PHLDA3: variants seen among roughly 807,000 people sequenced by gnomAD.
PHLDA3 encodes pleckstrin homology like domain family A member 3.
A neutral mutation model predicts 7.6 loss-of-function variants in PHLDA3; 12 were observed. The observed-to-expected ratio is 1.58, with a 90% confidence interval of 1.01 to 2.55. The LOEUF (loss-of-function observed/expected upper bound fraction) is 2.55. Among genes scored for constraint, PHLDA3 ranks in the 30% most tolerant of loss-of-function variants. PHLDA3 has a pLI of 0.00. For synonymous variants in PHLDA3, 104 were observed against 85.1 expected (o/e 1.22, Z -1.23); for missense variants, 177 against 175.6 (o/e 1.01, Z -0.05).
rs977528046 is a variant in PHLDA3, at chr1:201,464,961, G to A, written c.*1280C>T. ...CCCCAGTAGCTGGGGCTATAGGTGT[G>A]TGCCACCTCACCTGGCTAATTTTTG... On this transcript the variant is annotated 3_prime_UTR_variant, in exon 2 of 2. Coordinates refer to ENST00000367311, the MANE Select transcript of PHLDA3 (RefSeq NM_012396.5). 6 of 152,186 alleles carry A rather than the reference G, an allele frequency of 3.9e-5. No individual in the cohort carries two copies. The highest frequency in any genetic ancestry group is 6.6e-5 in the Admixed American group (1 of 15,266). The allele number at this position is 152,186 out of a possible 1,614,324, so 9.4% of individuals were successfully genotyped here.
In PHLDA3 at chr1:201,468,830, C is replaced by T. The variant is rs933013942; in HGVS notation, c.-44G>A. On this transcript the variant is annotated 5_prime_UTR_variant, in exon 1 of 2. Coordinates refer to ENST00000367311, the MANE Select transcript of PHLDA3 (RefSeq NM_012396.5). ...GGAAAGCTCCAGGCTGCGGCGGGCG[C>T]GGCGCCCCTCTCGGCCCCGCAGCGC... The T allele has an allele frequency of 1.0e-5, 15 of 1,471,068 alleles. No individual in the cohort carries two copies. Among genetic ancestry groups the T allele is most frequent in the African/African-American group, 4.5e-5 (3 of 67,206 alleles). 91.1% of individuals were successfully genotyped at this position (1,471,068 alleles called of 1,614,324 possible). A position where few individuals can be genotyped will look rare whatever the true frequency, so the allele number is the denominator to read the frequency against.
chr1:201,466,283 A>G (rs1321820775), intron 1 of PHLDA3, 105 bp from the exon 2 acceptor site: 1 of 152,262 alleles, frequency 6.6e-6, no homozygotes, highest in Non-Finnish European at 1.5e-5. Context: ...TTTTCCATAA[A>G]CATGGAAAAC....
intron 1 of PHLDA3, chr1:201,466,519 T>G (rs538776107): frequency 6.6e-6 from 1 of 152,284 alleles, no homozygotes; most frequent in South Asian, 2.1e-4. Flanking sequence ...TGAAGACATC[T>G]GCAGGCGGGT....
chr1:201,469,029 T>G lies in PHLDA3; in HGVS notation c.-243A>C. The G allele has an allele frequency of 2.4e-6, 1 of 408,350 alleles. No homozygotes were observed. The highest frequency in any genetic ancestry group is 4.2e-6 in the Non-Finnish European group (1 of 238,720). 25.3% of individuals were successfully genotyped at this position (408,350 alleles called of 1,614,324 possible). A position where few individuals can be genotyped will look rare whatever the true frequency, so the allele number is the denominator to read the frequency against. ...TCAGCCGGCACCCGCTCCTCCGCTC[T>G]ACCCCAGCTGGCCCAGCCCGACCCG... On this transcript the variant is annotated 5_prime_UTR_variant, in exon 1 of 2. Transcript: ENST00000367311.
rs1663612199 is a variant in PHLDA3, at chr1:201,464,451, AT to A, written c.*1789del. On this transcript the variant is annotated 3_prime_UTR_variant, in exon 2 of 2. Coordinates refer to ENST00000367311, the MANE Select transcript of PHLDA3 (RefSeq NM_012396.5). ...AATTCTCATTCAACTGTGTGATGTA[AT>A]TCACACATCAGATGAGCAAGTTGAA... 1 of 152,254 alleles carries A rather than the reference AT, an allele frequency of 6.6e-6. No individual in the cohort carries two copies. The highest frequency in any genetic ancestry group is 1.5e-5 in the Non-Finnish European group (1 of 68,058). 9.4% of individuals were successfully genotyped at this position (152,254 alleles called of 1,614,324 possible).
chr1:201,468,375 A>G lies in PHLDA3; in HGVS notation c.*28T>C, dbSNP rs775166638. The G allele has an allele frequency of 6.2e-7, 1 of 1,613,220 alleles. No individual in the cohort carries two copies. Among genetic ancestry groups the G allele is most frequent in the East Asian group, 2.2e-5 (1 of 44,872 alleles). ...CCTCAGCACTGAGGTGGTGGGTAGC[A>G]TGAAGGAAAGATGGTGCGCCCGGTG... On this transcript the variant is annotated 3_prime_UTR_variant, in exon 1 of 2. Transcript: ENST00000367311.
rs781599120 is a variant in PHLDA3 at position 201,468,994 on chromosome 1, C to T, written c.-208G>A. On this transcript the variant is annotated 5_prime_UTR_variant, in exon 1 of 2. It adds an upstream start codon to the 5' untranslated region. Coordinates refer to ENST00000367311, the MANE Select transcript of PHLDA3 (RefSeq NM_012396.5). ...GTGCCCCCAGCGCGCTCCGCGCCCA[C>T]CGCCCCGCTTCAGCCGGCACCCGCT... is the stretch of plus-strand genomic sequence containing the variant. 10 of 478,132 alleles carry T rather than the reference C, an allele frequency of 2.1e-5. No homozygotes were observed. The highest frequency in any genetic ancestry group is 6.2e-5 in the South Asian group (1 of 16,182). 29.6% of individuals were successfully genotyped at this position (478,132 alleles called of 1,614,324 possible).
At position 201,468,478 on chromosome 1, in the gene PHLDA3, G is replaced by A. The variant is rs773631516; in HGVS notation, c.309C>T (p.Val103=). The stretch of plus-strand genomic sequence containing the variant: ...GGATGGCCTGCTGGTTCTTGAACTT[G>A]ACCAGGCCTAGGGTGATCTGGGCGT... ...GWNAQITLGL[V]KFKNQQAIQT... Residue 103 remains valine (V), a synonymous_variant, in exon 1 of 2, where the codon GTC becomes GTT. Transcript: ENST00000367311. 1.2e-6 allele frequency: 2 copies of A among 1,614,188 alleles called. No homozygotes were observed. The highest frequency in any genetic ancestry group is 1.7e-6 in the Non-Finnish European group (2 of 1,180,024).
At position 201,469,078 on chromosome 1, in the gene PHLDA3, TCC is replaced by T; in HGVS notation, c.-294_-293del. The T allele has an allele frequency of 3.0e-6, 1 of 334,112 alleles. No individual in the cohort carries two copies. The highest frequency in any genetic ancestry group is 5.3e-6 in the Non-Finnish European group (1 of 187,162). 20.7% of individuals were successfully genotyped at this position (334,112 alleles called of 1,614,324 possible). On this transcript the variant is annotated 5_prime_UTR_variant, in exon 1 of 2. Transcript: ENST00000367311. ...CGCCTCTGCCAGATGCCTCCGCGCC[TCC>T]CTAGGCCGTGAGCCCCACCGCCCGC...
At position 201,468,563 on chromosome 1, in the gene PHLDA3, A is replaced by G; in HGVS notation, c.224T>C (p.Leu75Pro). Residue 75 changes from leucine to proline, a missense_variant, in exon 1 of 2, where the codon CTG becomes CCG. Transcript: ENST00000367311. ...GATCTCGCCGCCCCCTTCGGTCACCAGCGTGAAGTAGATGTGGCGCCCGGT... is the reference window on the plus strand; with the variant it reads ...GATCTCGCCGCCCCCTTCGGTCACCGGCGTGAAGTAGATGTGGCGCCCGGT... Reference protein sequence around the residue: ...ESTGRHIYFTLVTEGGGEIDF... With the variant: ...ESTGRHIYFTPVTEGGGEIDF... 1 of 1,614,028 alleles carries G rather than the reference A, an allele frequency of 6.2e-7. No individual in the cohort carries two copies.
In PHLDA3 at chr1:201,465,524, A is replaced by T. The variant is rs1663638496; in HGVS notation, c.*717T>A. On this transcript the variant is annotated 3_prime_UTR_variant, in exon 2 of 2. Transcript: ENST00000367311. Reference sequence around the variant, plus strand: ...TTACTGCCCTTTGCAGGGCATCTTCATTTGGGGAAAGACATGAAATGCTAA... The same window carrying T: ...TTACTGCCCTTTGCAGGGCATCTTCTTTTGGGGAAAGACATGAAATGCTAA... The T allele has an allele frequency of 6.5e-6, 1 of 154,888 alleles. No individual in the cohort carries two copies. Among genetic ancestry groups the T allele is most frequent in the South Asian group, 2.0e-4 (1 of 4,930 alleles). The allele number at this position is 154,888 out of a possible 1,614,324, so 9.6% of individuals were successfully genotyped here.
chr1:201,468,344 C>T lies in PHLDA3; in HGVS notation c.*59G>A, dbSNP rs1663724432. ...GCCCAGTCCCCCGGGGGCTTACCTG[C>T]CTTGACCTCAGCACTGAGGTGGTGG... On this transcript the variant is annotated 3_prime_UTR_variant, in exon 1 of 2. Transcript: ENST00000367311. 2 of 1,598,272 alleles carry T rather than the reference C, an allele frequency of 1.3e-6. No individual in the cohort carries two copies. Among genetic ancestry groups the T allele is most frequent in the African/African-American group, 2.7e-5 (2 of 74,398 alleles).
rs1371829345 is a variant in PHLDA3 at position 201,464,827 on chromosome 1, T to TGTTTG, written c.*1413_*1414insCAAAC. The TGTTTG allele has an allele frequency of 1.3e-5, 2 of 151,998 alleles. No individual in the cohort carries two copies. Among genetic ancestry groups the TGTTTG allele is most frequent in the Non-Finnish European group, 2.9e-5 (2 of 68,046 alleles). The allele number at this position is 151,998 out of a possible 1,614,324, so 9.4% of individuals were successfully genotyped here. A position where few individuals can be genotyped will look rare whatever the true frequency, so the allele number is the denominator to read the frequency against. On this transcript the variant is annotated 3_prime_UTR_variant, in exon 2 of 2. Coordinates refer to ENST00000367311, the MANE Select transcript of PHLDA3 (RefSeq NM_012396.5). ...CCCGTTTTTTTTGTTGTTGTTGTTT[T>TGTTTG]GAGACTGCGTCTTGCTGCTTTGTCA...
At position 201,468,349 on chromosome 1, in the gene PHLDA3, A is replaced by T. The variant is rs1256930; in HGVS notation, c.*54T>A. The stretch of plus-strand genomic sequence containing the variant: ...GTCCCCCGGGGGCTTACCTGCCTTG[A>T]CCTCAGCACTGAGGTGGTGGGTAGC... On this transcript the variant is annotated 3_prime_UTR_variant, in exon 1 of 2. Coordinates refer to ENST00000367311, the MANE Select transcript of PHLDA3 (RefSeq NM_012396.5). 393,397 of 1,599,800 alleles carry T rather than the reference A, an allele frequency of 0.25. 56,297 individuals are homozygous for T. Among genetic ancestry groups the T allele is most frequent in the East Asian group, 0.67 (29,992 of 44,706 alleles).
rs1663762181 is a variant in PHLDA3 at position 201,469,076 on chromosome 1, C to A, written c.-290G>T. On this transcript the variant is annotated 5_prime_UTR_variant, in exon 1 of 2. Transcript: ENST00000367311. The stretch of plus-strand genomic sequence containing the variant: ...CCCGCCTCTGCCAGATGCCTCCGCG[C>A]CTCCCTAGGCCGTGAGCCCCACCGC... 3.0e-6 allele frequency: 1 copy of A among 336,428 alleles called. No individual in the cohort carries two copies. The highest frequency in any genetic ancestry group is 5.3e-6 in the Non-Finnish European group (1 of 188,382). The allele number at this position is 336,428 out of a possible 1,614,324, so 20.8% of individuals were successfully genotyped here.
At position 201,468,605 on chromosome 1, in the gene PHLDA3, A is replaced by C. The variant is rs763227643; in HGVS notation, c.182T>G (p.Val61Gly). 3 of 1,613,610 alleles carry C rather than the reference A, an allele frequency of 1.9e-6. No homozygotes were observed. The highest frequency in any genetic ancestry group is 8.5e-7 in the Non-Finnish European group (1 of 1,180,006). The part of the protein sequence containing the change: ...KELSFARIKA[V>G]ECVESTGRHI... ...GCGCCCGGTGCTCTCCACGCACTCC[A>C]CGGCCTTGATGCGGGCGAAGCTGAG... Residue 61 changes from valine (V) to glycine (G), a missense_variant, in exon 1 of 2, where the codon GTG (valine) becomes GGG (glycine). Val to Gly is a moderately radical substitution (Grantham distance 109). Coordinates refer to ENST00000367311, the MANE Select transcript of PHLDA3 (RefSeq NM_012396.5).
rs1258535915 is a variant in PHLDA3 at position 201,464,287 on chromosome 1, A to G, written c.*1954T>C. 1.3e-5 allele frequency: 2 copies of G among 152,088 alleles called. No homozygotes were observed. The highest frequency in any genetic ancestry group is 4.8e-5 in the African/African-American group (2 of 41,400). The allele number at this position is 152,088 out of a possible 1,614,324, so 9.4% of individuals were successfully genotyped here. On this transcript the variant is annotated 3_prime_UTR_variant, in exon 2 of 2. Transcript: ENST00000367311. ...CCAATTGATCACAGCATTCTAGTTG[A>G]GCTCTGATCTTTCTCAGCACTGATT... is the stretch of plus-strand genomic sequence containing the variant.
intron 1 of PHLDA3, among the ~76,000 whole-genome samples, chr1:201,467,325 T>C (rs1296024873): frequency 6.6e-6 from 1 of 151,812 alleles, no homozygotes; most frequent in Admixed American, 6.6e-5. Flanking sequence ...AAAATATATA[T>C]ATAGGCTGGG....
At chr1:201,468,303 G>T in intron 1 of PHLDA3, 38 bp downstream of exon 1, 1 of 1,270,606 alleles carries the variant, frequency 7.9e-7, no homozygotes, top group Non-Finnish European at 1.1e-6. Context: ...GAGAAGGGAG[G>T]GAAGGAGAGA....
Sources: allele counts gnomAD v4.1 joint callset (sites outside exome capture counted in the v4.1 genomes callset), GRCh38; gene constraint gnomAD v4.1.1; transcripts MANE v1.5; gene names NCBI Gene and HGNC (gene_info 2026-07-23, HGNC 2026-07-21).